Variants in MEOX2 observed in about 807,000 individuals in gnomAD.
MEOX2 encodes homeobox protein MOX-2.
MEOX2 carries 11 observed loss-of-function variants against 27.0 expected under a neutral mutation model. That is an observed-to-expected ratio of 0.41 (90% CI 0.26 to 0.68). The LOEUF (loss-of-function observed/expected upper bound fraction) is 0.68. Ranked by LOEUF, MEOX2 falls within the 30% of genes least tolerant of loss-of-function variation. The pLI is 0.33. For synonymous variants in MEOX2, 189 were observed against 155.4 expected (o/e 1.22, Z -1.61); for missense variants, 436 against 385.4 (o/e 1.13, Z -1.10).
At chr7:15,673,584 TAAAC>T (rs1457383741) in intron 1 of MEOX2, among the ~76,000 whole-genome samples, 1 of 21,648 alleles carries the variant, frequency 4.6e-5, no homozygotes, top group African/African-American at 1.7e-4. Context: ...GGAATAGACA[TAAAC>T]AAGTCTATCA....
In MEOX2 at chr7:15,612,434, C is replaced by T; in HGVS notation, c.868G>A (p.Glu290Lys). Residue 290 changes from glutamate to lysine, a missense_variant, in exon 3 of 3, where the codon GAA becomes AAA. Glu to Lys is a moderately conservative substitution (Grantham distance 56, BLOSUM62 1). Transcript: ENST00000262041. ...LQQTGDSIAN[E>K]DSHDSDHSSE... ...CTGTGGTCACTGTCGTGACTGTCTT[C>T]ATTTGCTATAGAGTCCCCTGTTTGC... The T allele has an allele frequency of 6.2e-7, 1 of 1,614,148 alleles. No homozygotes were observed. Among genetic ancestry groups the T allele is most frequent in the Non-Finnish European group, 8.5e-7 (1 of 1,180,014 alleles).
In MEOX2 at chr7:15,686,617, A is replaced by G; in HGVS notation, c.-215T>C. 1 of 581,640 alleles carries G rather than the reference A, an allele frequency of 1.7e-6. No individual in the cohort carries two copies. Among genetic ancestry groups the G allele is most frequent in the South Asian group, 2.3e-5 (1 of 43,584 alleles). 36.0% of individuals were successfully genotyped at this position (581,640 alleles called of 1,614,324 possible). On this transcript the variant is annotated 5_prime_UTR_variant, in exon 1 of 3. Coordinates refer to ENST00000262041, the MANE Select transcript of MEOX2 (RefSeq NM_005924.5). ...AGTCGGACCTGGAAGAGCTTCCCTGAGCTACTCAGATGTCAAGAGTGGGAG... is the reference window on the plus strand; with the variant it reads ...AGTCGGACCTGGAAGAGCTTCCCTGGGCTACTCAGATGTCAAGAGTGGGAG...
intron 1 of MEOX2, among the ~76,000 whole-genome samples, chr7:15,665,485 C>T (rs1450211286): frequency 2.0e-5 from 3 of 152,140 alleles, no homozygotes; most frequent in Non-Finnish European, 4.4e-5. Flanking sequence ...ATTTACTTGT[C>T]ATTTTAGTCA....
chr7:15,617,730 A>G (rs1781145987), intron 2 of MEOX2, among the ~76,000 whole-genome samples: 1 of 152,086 alleles, frequency 6.6e-6, no homozygotes, highest in African/African-American at 2.4e-5. Flanking sequence ...TCCTGTTTAC[A>G]GGGCTGCCTC....
chr7:15,653,284 T>C (rs1238917163), intron 1 of MEOX2, among the ~76,000 whole-genome samples: 2 of 152,016 alleles, frequency 1.3e-5, no homozygotes, highest in Non-Finnish European at 2.9e-5. Context: ...TCATATTCTG[T>C]TTGATAAAAA....
intron 1 of MEOX2, among the ~76,000 whole-genome samples, chr7:15,662,208 C>G (rs1041823736): frequency 1.3e-5 from 2 of 151,272 alleles, no homozygotes; most frequent in Non-Finnish European, 2.9e-5. Context: ...CAGTCAAAGT[C>G]CATTATCTAG....
intron 1 of MEOX2, among the ~76,000 whole-genome samples, chr7:15,650,113 G>A (rs1265468260): frequency 1.3e-5 from 2 of 152,028 alleles, no homozygotes; most frequent in African/African-American, 4.8e-5. Context: ...TGCCTACTGG[G>A]AAATTCCACT....
intron 1 of MEOX2, among the ~76,000 whole-genome samples, chr7:15,668,720 C>A (rs1453850963): frequency 6.6e-6 from 1 of 152,070 alleles, no homozygotes; most frequent in Non-Finnish European, 1.5e-5. Context: ...AGATGATCCG[C>A]TCGCCTCAGC....
intron 2 of MEOX2, among the ~76,000 whole-genome samples, chr7:15,623,398 C>T (rs1213040795): frequency 6.6e-6 from 1 of 152,142 alleles, no homozygotes; most frequent in Non-Finnish European, 1.5e-5. Flanking sequence ...TATACAGAGT[C>T]TCACTTTGTC....
chr7:15,637,847 C>G (rs978169105), intron 1 of MEOX2, among the ~76,000 whole-genome samples: 1 of 151,862 alleles, frequency 6.6e-6, no homozygotes, highest in Non-Finnish European at 1.5e-5. Flanking sequence ...TAAGAATCCA[C>G]AGGATTGTTG....
intron 1 of MEOX2, among the ~76,000 whole-genome samples, chr7:15,627,760 C>G (rs981478992): frequency 6.7e-6 from 1 of 150,160 alleles, no homozygotes; most frequent in African/African-American, 2.5e-5. Context: ...AAATGTAGGT[C>G]AGAAGACATT....
rs1474938434 is a variant in MEOX2, at chr7:15,616,433, G to A, written c.691-3822C>T. 4.6e-5 allele frequency among the ~76,000 whole-genome samples: 7 copies of A among 151,500 alleles called. No homozygotes were observed. The South Asian group carries it at 6.2e-4, about 13-fold the overall frequency. On this transcript the variant is annotated intron_variant, in intron 2 of 2. Coordinates refer to ENST00000262041, the MANE Select transcript of MEOX2 (RefSeq NM_005924.5). ...ACACACATTTTTCTATTAGCATCAC[G>A]GTATTAGCAATCCCCCCAACAAAAT...
chr7:15,658,028 T>G (rs2115381536), intron 1 of MEOX2, among the ~76,000 whole-genome samples: 1 of 152,318 alleles, frequency 6.6e-6, no homozygotes, highest in Non-Finnish European at 1.5e-5. Context: ...ACTCGGCCTC[T>G]GATAATGCCA....
intron 1 of MEOX2, among the ~76,000 whole-genome samples, chr7:15,635,623 A>G (rs1475089563): frequency 1.3e-5 from 2 of 152,014 alleles, no homozygotes; most frequent in Non-Finnish European, 2.9e-5. Context: ...AGGCCTTAGC[A>G]ATTGAAAATT....
chr7:15,673,284 T>C (rs549389145), intron 1 of MEOX2, among the ~76,000 whole-genome samples: 1 of 152,318 alleles, frequency 6.6e-6, no homozygotes, highest in Admixed American at 6.5e-5. Context: ...CTGCACTTTA[T>C]AGATATTATA....
intron 1 of MEOX2, among the ~76,000 whole-genome samples, chr7:15,683,691 T>A (rs1782328871): frequency 6.6e-6 from 1 of 152,144 alleles, no homozygotes; most frequent in African/African-American, 2.4e-5. Context: ...AAATAAAATT[T>A]TATTTTCAAT....
intron 2 of MEOX2, among the ~76,000 whole-genome samples, chr7:15,620,230 T>C (rs2115355918): frequency 6.6e-6 from 1 of 152,280 alleles, no homozygotes; most frequent in South Asian, 2.1e-4. Context: ...TTACTGTTTC[T>C]CTAGATGACT....
intron 1 of MEOX2, among the ~76,000 whole-genome samples, chr7:15,640,322 C>G (rs898846103): frequency 6.6e-6 from 1 of 151,324 alleles, no homozygotes; most frequent in African/African-American, 2.4e-5. Context: ...TGATTCAGTT[C>G]TGAGATTGAG....
At chr7:15,666,060 A>C (rs890729834) in intron 1 of MEOX2, among the ~76,000 whole-genome samples, 6 of 152,178 alleles carry the variant, frequency 3.9e-5, no homozygotes, top group South Asian at 2.1e-4. Context: ...TGTAGACTGC[A>C]GGAAGGTATT....
Sources: gnomAD v4.1 joint callset for allele counts (sites outside exome capture counted in the v4.1 genomes callset) on GRCh38, gnomAD v4.1.1 for gene constraint, MANE v1.5 for transcripts, NCBI Gene and HGNC (gene_info 2026-07-23, HGNC 2026-07-21) for gene names.